The following UBE2G1 variants were observed in gnomAD, a reference collection of about 807,000 sequenced individuals.
UBE2G1 encodes the protein ubiquitin conjugating enzyme E2 G1.
Under a neutral mutation model 22.7 loss-of-function variants are expected in UBE2G1, and 5 were observed. That is an observed-to-expected ratio of 0.22 (90% CI 0.12 to 0.46). The LOEUF (loss-of-function observed/expected upper bound fraction) is 0.46. Ranked by LOEUF, UBE2G1 falls within the 20% of genes least tolerant of loss-of-function variation. The pLI, the probability that UBE2G1 is intolerant of heterozygous loss-of-function variation, is 0.99. For missense variants in UBE2G1, 88 were observed against 203.9 expected (o/e 0.43, Z 3.46); for synonymous variants, 74 against 67.5 (o/e 1.10, Z -0.47).
intron 4 of UBE2G1, among the ~76,000 whole-genome samples, chr17:4,285,727 G>T (rs551872808): frequency 1.3e-5 from 2 of 152,162 alleles, no homozygotes; most frequent in East Asian, 3.9e-4. Flanking sequence ...CGAGGCAGGC[G>T]GATCACGACA....
At chr17:4,317,558 T>C (rs1288745284) in intron 1 of UBE2G1, among the ~76,000 whole-genome samples, 2 of 152,154 alleles carry the variant, frequency 1.3e-5, no homozygotes, top group Non-Finnish European at 2.9e-5. Flanking sequence ...ACCCAATTTA[T>C]TTTACTGTGC....
intron 5 of UBE2G1, among the ~76,000 whole-genome samples, chr17:4,278,056 C>T (rs1598177395): frequency 6.6e-6 from 1 of 152,186 alleles, no homozygotes; most frequent in Non-Finnish European, 1.5e-5. Flanking sequence ...CCTACCACTA[C>T]GCCCAGCTAC....
At chr17:4,324,286 G>C (rs777225021) in intron 1 of UBE2G1, among the ~76,000 whole-genome samples, 2 of 152,142 alleles carry the variant, frequency 1.3e-5, no homozygotes, top group Non-Finnish European at 2.9e-5. Context: ...TGTGGCTACT[G>C]AGCACCTAAG....
In UBE2G1 at chr17:4,285,285, T is replaced by C. The variant is rs140702477; in HGVS notation, c.427-2364A>G. On this transcript the variant is annotated intron_variant, in intron 4 of 5. Coordinates refer to ENST00000396981, the MANE Select transcript of UBE2G1 (RefSeq NM_003342.5). Reference sequence around the variant, plus strand: ...CATAAAGAAAAGAACCTAAGTACAATGGGGAAAAAAAGAAAAGGAAAAAAG... The same window carrying C: ...CATAAAGAAAAGAACCTAAGTACAACGGGGAAAAAAAGAAAAGGAAAAAAG... Among the ~76,000 whole-genome samples the C allele has an allele frequency of 2.5e-3, 375 of 150,686 alleles. 3 individuals carry two copies. Among genetic ancestry groups the C allele is most frequent in the African/African-American group, 8.7e-3 (357 of 40,942 alleles).
At position 4,270,549 on chromosome 17, in the gene UBE2G1, TA is replaced by T. The variant is rs11433380; in HGVS notation, c.*2004del. On this transcript the variant is annotated 3_prime_UTR_variant, in exon 6 of 6. Transcript: ENST00000396981. The stretch of plus-strand genomic sequence containing the variant: ...TGGGTGACAGAGAGACCCAGTTTCT[TA>T]AAAAAAAAAAAAAAAAAGTAAAAAG... 4.3e-3 allele frequency: 578 copies of T among 133,318 alleles called. 3 individuals carry two copies. Among genetic ancestry groups the T allele is most frequent in the African/African-American group, 0.012 (426 of 35,294 alleles). The allele number at this position is 133,318 out of a possible 1,614,324, so 8.3% of individuals were successfully genotyped here.
rs762953540 is a variant in UBE2G1 at position 4,270,200 on chromosome 17, A to T, written c.*2354T>A. 13 of 152,598 alleles carry T rather than the reference A, an allele frequency of 8.5e-5. No homozygotes were observed. The highest frequency in any genetic ancestry group is 1.9e-4 in the Non-Finnish European group (13 of 68,032). The allele number at this position is 152,598 out of a possible 1,614,324, so 9.5% of individuals were successfully genotyped here. A position where few individuals can be genotyped will look rare whatever the true frequency, so the allele number is the denominator to read the frequency against. The stretch of plus-strand genomic sequence containing the variant: ...CATTAAAGTGGCACTTAAAGTTCAA[A>T]AATAGTTGTCCCTGAGTTACTAGGT... On this transcript the variant is annotated 3_prime_UTR_variant, in exon 6 of 6. Transcript: ENST00000396981.
chr17:4,360,809 G>A (rs910505201), intron 1 of UBE2G1, among the ~76,000 whole-genome samples: 1 of 152,214 alleles, frequency 6.6e-6, no homozygotes, highest in South Asian at 2.1e-4. Context: ...TACTGGGGAG[G>A]CTGAGGTAGG....
intron 3 of UBE2G1, among the ~76,000 whole-genome samples, chr17:4,292,750 A>C (rs1969056954): frequency 6.6e-6 from 1 of 152,184 alleles, no homozygotes; most frequent in South Asian, 2.1e-4. Flanking sequence ...ATGTTATCCT[A>C]ATCTCCAACA....
chr17:4,292,336 C>A (rs79912529), intron 3 of UBE2G1, among the ~76,000 whole-genome samples: 4,639 of 146,106 alleles, frequency 0.032, 270 homozygotes, highest in African/African-American at 0.11. Context: ...AAAAAAAACC[C>A]AAACCAAAAC....
chr17:4,275,894 C>T (rs529323638), intron 5 of UBE2G1, among the ~76,000 whole-genome samples: 2 of 152,320 alleles, frequency 1.3e-5, no homozygotes, highest in Admixed American at 6.5e-5. Context: ...TGCTGCTCGT[C>T]GTCTTCTACC....
chr17:4,300,265 A>G (rs997046782), intron 2 of UBE2G1, among the ~76,000 whole-genome samples: 1 of 152,134 alleles, frequency 6.6e-6, no homozygotes, highest in African/African-American at 2.4e-5. Context: ...GACTGTGGCC[A>G]GGCAAGGTGG....
chr17:4,273,093 A>G (rs554597275), intron 5 of UBE2G1, among the ~76,000 whole-genome samples: 1 of 152,304 alleles, frequency 6.6e-6, no homozygotes, highest in South Asian at 2.1e-4. Context: ...CACAGTTTCT[A>G]AGTGTTTCAA....
chr17:4,359,465 A>G (rs906189669), intron 1 of UBE2G1, among the ~76,000 whole-genome samples: 4 of 152,236 alleles, frequency 2.6e-5, no homozygotes, highest in African/African-American at 9.6e-5. Context: ...AATCTAGAAC[A>G]TAACTTTATA....
chr17:4,309,460 T>C (rs1423644646), intron 1 of UBE2G1, among the ~76,000 whole-genome samples: 1 of 152,252 alleles, frequency 6.6e-6, no homozygotes, highest in Admixed American at 6.5e-5. Flanking sequence ...TTTAAAGATA[T>C]TGAAAGTGCA....
intron 1 of UBE2G1, among the ~76,000 whole-genome samples, chr17:4,353,615 C>T (rs762373602): frequency 1.7e-4 from 25 of 151,064 alleles, no homozygotes; most frequent in Non-Finnish European, 2.7e-4. Flanking sequence ...TGGGTTCAAG[C>T]GATTCTCTTG....
intron 1 of UBE2G1, among the ~76,000 whole-genome samples, chr17:4,340,589 C>G (rs1232705552): frequency 6.6e-6 from 1 of 152,162 alleles, no homozygotes; most frequent in East Asian, 1.9e-4. Flanking sequence ...CACTGCACTT[C>G]TCTCTCCTGC....
chr17:4,295,403 G>A (rs1317570847), intron 3 of UBE2G1, among the ~76,000 whole-genome samples: 1 of 152,176 alleles, frequency 6.6e-6, no homozygotes, highest in South Asian at 2.1e-4. Context: ...TTCTCCATTT[G>A]CCAGTTCCAG....
intron 1 of UBE2G1, among the ~76,000 whole-genome samples, chr17:4,338,213 G>C (rs949750644): frequency 2.0e-5 from 3 of 151,372 alleles, no homozygotes; most frequent in African/African-American, 7.3e-5. Context: ...TATTTTGATG[G>C]GAGGGGAAAA....
At chr17:4,281,817 T>C (rs1483069943) in intron 5 of UBE2G1, among the ~76,000 whole-genome samples, 1 of 152,240 alleles carries the variant, frequency 6.6e-6, no homozygotes, top group African/African-American at 2.4e-5. Context: ...TAACAAACTA[T>C]AGAAATGATC....
Sources: gnomAD v4.1 joint callset for allele counts (sites outside exome capture counted in the v4.1 genomes callset) on GRCh38, gnomAD v4.1.1 for gene constraint, MANE v1.5 for transcripts, NCBI Gene and HGNC (gene_info 2026-07-23, HGNC 2026-07-21) for gene names.